FAM47E: variants seen among roughly 807,000 people sequenced by gnomAD.
FAM47E encodes the protein family with sequence similarity 47 member E.
A neutral mutation model predicts 41.6 loss-of-function variants in FAM47E; 32 were observed. The observed-to-expected ratio is 0.77, with a 90% CI of 0.58 to 1.03. The LOEUF is 1.03. Among genes scored for constraint, FAM47E ranks in the 50% least tolerant of loss-of-function variants. The pLI, the probability that FAM47E is intolerant of heterozygous loss-of-function variation, is 0.00. For synonymous variants in FAM47E, 184 were observed against 188.7 expected (o/e 0.98, Z 0.20); for missense variants, 424 against 485.4 (o/e 0.87, Z 1.19).
intron 1 of FAM47E, chr4:76,217,444 TTA>T (rs1733227566): frequency 2.5e-6 from 1 of 402,788 alleles, no homozygotes; most frequent in Admixed American, 4.3e-5. Flanking sequence ...CATGAATAGA[TTA>T]ATGCCTCCCT....
intron 3 of FAM47E, 41 bp from the exon 4 acceptor site, chr4:76,268,619 T>C: frequency 2.0e-6 from 3 of 1,534,980 alleles, no homozygotes; most frequent in Non-Finnish European, 2.6e-6. Flanking sequence ...TTTGGATTCA[T>C]TGTGTCTCAT....
intron 2 of FAM47E, among the ~76,000 whole-genome samples, chr4:76,220,641 C>T (rs61433301): frequency 0.012 from 1,873 of 152,232 alleles, 37 homozygotes; most frequent in African/African-American, 0.043. Flanking sequence ...AGAATGAAGT[C>T]CTGATACATG....
At chr4:76,234,686 G>T (rs1473955873) in intron 2 of FAM47E, 2 of 152,238 alleles carry the variant, frequency 1.3e-5, no homozygotes, top group African/African-American at 4.8e-5. Flanking sequence ...AAGTTGAGAG[G>T]ATCACTTAAA....
chr4:76,253,546 A>G (rs1734060776), intron 1 of FAM47E, among the ~76,000 whole-genome samples: 1 of 152,170 alleles, frequency 6.6e-6, no homozygotes, highest in African/African-American at 2.4e-5. Flanking sequence ...CAGAATGGTA[A>G]GCTTATTAAC....
chr4:76,260,864 C>T (rs940878802), intron 2 of FAM47E, among the ~76,000 whole-genome samples: 4 of 151,590 alleles, frequency 2.6e-5, no homozygotes, highest in Admixed American at 1.3e-4. Flanking sequence ...AACAATTCAA[C>T]AAGAAAAAAC....
chr4:76,217,106 G>A (rs1266322233), intron 1 of FAM47E, among the ~76,000 whole-genome samples: 2 of 152,162 alleles, frequency 1.3e-5, no homozygotes, highest in East Asian at 1.9e-4. Context: ...TGTCTGCACC[G>A]CTAATTGGCA....
At chr4:76,230,455 A>G (rs1173023148) in intron 2 of FAM47E, among the ~76,000 whole-genome samples, 1 of 152,000 alleles carries the variant, frequency 6.6e-6, no homozygotes, top group Non-Finnish European at 1.5e-5. Flanking sequence ...TGAGAAAGCA[A>G]GCATCACTTT....
intron 1 of FAM47E, among the ~76,000 whole-genome samples, chr4:76,254,086 C>T (rs1228189754): frequency 6.7e-6 from 1 of 150,348 alleles, no homozygotes; most frequent in Non-Finnish European, 1.5e-5. Context: ...GCTATAATTG[C>T]CACTGTACCC....
chr4:76,252,716 T>TC (rs1360648519), intron 1 of FAM47E, among the ~76,000 whole-genome samples: 3 of 152,110 alleles, frequency 2.0e-5, no homozygotes, highest in East Asian at 1.9e-4. Context: ...GGGAAGCTTC[T>TC]CCCCCCCATT....
chr4:76,264,185 G>T (rs1430586398), intron 3 of FAM47E, among the ~76,000 whole-genome samples: 1 of 152,108 alleles, frequency 6.6e-6, no homozygotes, highest in African/African-American at 2.4e-5. Context: ...AAAGTGCTCA[G>T]CATGCCAAAG....
chr4:76,225,087 C>G (rs1237675591), intron 2 of FAM47E, among the ~76,000 whole-genome samples: 3 of 152,192 alleles, frequency 2.0e-5, no homozygotes, highest in East Asian at 3.8e-4. Flanking sequence ...TGATCTCCAA[C>G]TCCACCCAGG....
chr4:76,246,764 T>A (rs186695404), upstream of FAM47E, among the ~76,000 whole-genome samples: 160 of 152,254 alleles, frequency 1.1e-3, no homozygotes, highest in Middle Eastern at 3.4e-3. Context: ...TAAAACTTCA[T>A]GTTAATAGGA....
intron 2 of FAM47E, among the ~76,000 whole-genome samples, chr4:76,238,902 C>T (rs1204858465): frequency 6.6e-6 from 1 of 152,150 alleles, no homozygotes; most frequent in Non-Finnish European, 1.5e-5. Context: ...ATTCATTAAG[C>T]AATAACTCCC....
intron 1 of FAM47E, among the ~76,000 whole-genome samples, chr4:76,215,772 C>T (rs1190641280): frequency 6.6e-6 from 1 of 152,102 alleles, no homozygotes; most frequent in Non-Finnish European, 1.5e-5. Context: ...AGCCCTGAGT[C>T]TGTAGGAAGA....
upstream of FAM47E, among the ~76,000 whole-genome samples, chr4:76,247,213 T>C (rs1459378467): frequency 6.6e-6 from 1 of 152,174 alleles, no homozygotes; most frequent in Non-Finnish European, 1.5e-5. Context: ...ATATGTCCTT[T>C]TGCATTTGAC....
At position 76,271,693 on chromosome 4, in the gene FAM47E, T is replaced by C; in HGVS notation, c.795T>C (p.Ser265=). The change falls in exon 5 of 8, where the codon AGT becomes AGC. Residue 265 remains serine, a synonymous_variant. Coordinates refer to ENST00000424749, the MANE Select transcript of FAM47E (RefSeq NM_001136570.3). ...AGGTTCCTCTGGAGCTAAAGCGTAG[T>C]GTGGGGCTCAGTAAACTGCAGGAGA... is the stretch of plus-strand genomic sequence containing the variant. The part of the protein sequence containing the change: ...LNQVPLELKR[S]VGLSKLQETE... 1.3e-6 allele frequency: 2 copies of C among 1,551,888 alleles called. No individual in the cohort carries two copies. The highest frequency in any genetic ancestry group is 2.4e-5 in the South Asian group (2 of 84,056).
chr4:76,283,519 CT>C lies in FAM47E; in HGVS notation c.*62del. On this transcript the variant is annotated 3_prime_UTR_variant, in exon 8 of 8. Coordinates refer to ENST00000424749, the MANE Select transcript of FAM47E (RefSeq NM_001136570.3). ...ACTACGTACTTGGCTATTTCTCTGT[CT>C]CCTTTTAAAGATTAAACAGAGTTTA... 1 of 1,032,636 alleles carries C rather than the reference CT, an allele frequency of 9.7e-7. No homozygotes were observed. The highest frequency in any genetic ancestry group is 1.5e-6 in the Non-Finnish European group (1 of 683,058). The allele number at this position is 1,032,636 out of a possible 1,614,324, so 64.0% of individuals were successfully genotyped here.
intron 2 of FAM47E, among the ~76,000 whole-genome samples, chr4:76,260,490 C>T (rs914573193): frequency 6.6e-6 from 1 of 152,102 alleles, no homozygotes; most frequent in African/African-American, 2.4e-5. Flanking sequence ...ATAAATGATG[C>T]TGGGAAAACT....
intron 2 of FAM47E, among the ~76,000 whole-genome samples, chr4:76,218,026 A>G (rs1008878601): frequency 6.6e-6 from 1 of 152,226 alleles, no homozygotes; most frequent in African/African-American, 2.4e-5. Context: ...GTTAAATATA[A>G]ACATTTAAAA....
Sources: allele counts gnomAD v4.1 joint callset (sites outside exome capture counted in the v4.1 genomes callset), GRCh38; gene constraint gnomAD v4.1.1; transcripts MANE v1.5; gene names NCBI Gene and HGNC (gene_info 2026-07-23, HGNC 2026-07-21).